Variants in ZRANB3 observed in about 807,000 individuals in gnomAD.
The protein encoded by ZRANB3 is DNA annealing helicase and endonuclease ZRANB3.
ZRANB3 carries 125 observed loss-of-function variants against 133.8 expected under a neutral mutation model. The observed-to-expected ratio is 0.93, with a 90% CI of 0.81 to 1.08. The LOEUF (loss-of-function observed/expected upper bound fraction) is 1.08. ZRANB3 is among the 50% of genes least tolerant of loss of function. The pLI, the probability that ZRANB3 is intolerant of heterozygous loss-of-function variation, is 0.00. For synonymous variants in ZRANB3, 387 were observed against 432.7 expected (o/e 0.89, Z 1.31); for missense variants, 1,229 against 1,275.5 (o/e 0.96, Z 0.56).
At chr2:135,404,524 T>C (rs1687910955) in intron 2 of ZRANB3, among the ~76,000 whole-genome samples, 2 of 152,144 alleles carry the variant, frequency 1.3e-5, no homozygotes, top group Admixed American at 1.3e-4. Context: ...TGGAAAACAC[T>C]CTGCAGGATA....
chr2:135,437,791 A>G (rs894238642), intron 2 of ZRANB3, among the ~76,000 whole-genome samples: 7 of 152,234 alleles, frequency 4.6e-5, no homozygotes, highest in South Asian at 2.1e-4. Flanking sequence ...GTGTGTCAAC[A>G]TGACTGGGCT....
intron 14 of ZRANB3, 141 bp downstream of exon 14, chr2:135,227,664 AGTATGTG>A (rs770745483): frequency 1.4e-5 from 11 of 761,042 alleles, no homozygotes; most frequent in Non-Finnish European, 2.3e-5. Context: ...CTGGTGTTTA[AGTATGTG>A]GTTACAAATG....
chr2:135,314,633 A>G (rs1683165299), intron 7 of ZRANB3, among the ~76,000 whole-genome samples: 1 of 152,160 alleles, frequency 6.6e-6, no homozygotes, highest in South Asian at 2.1e-4. Flanking sequence ...GAATTTCAAG[A>G]ATAGGGCTGC....
At chr2:135,433,636 G>A (rs1689409767) in intron 2 of ZRANB3, among the ~76,000 whole-genome samples, 1 of 152,134 alleles carries the variant, frequency 6.6e-6, no homozygotes, top group Non-Finnish European at 1.5e-5. Context: ...CAGATTACCT[G>A]AGGTCAGGAA....
chr2:135,475,992 C>T (rs1166704478), intron 2 of ZRANB3, among the ~76,000 whole-genome samples: 4 of 152,002 alleles, frequency 2.6e-5, no homozygotes, highest in Non-Finnish European at 5.9e-5. Context: ...GCAAGAGAAT[C>T]GTTTGAACCC....
intron 2 of ZRANB3, among the ~76,000 whole-genome samples, chr2:135,397,839 A>C (rs1282085462): frequency 6.6e-6 from 1 of 152,108 alleles, no homozygotes; most frequent in Non-Finnish European, 1.5e-5. Context: ...AGGAAAGCTG[A>C]AAGTTACCAT....
At chr2:135,475,804 G>A (rs1173522151) in intron 2 of ZRANB3, among the ~76,000 whole-genome samples, 1 of 152,164 alleles carries the variant, frequency 6.6e-6, no homozygotes, top group Non-Finnish European at 1.5e-5. Flanking sequence ...TTGGCTGGGT[G>A]CAGTGGCTCA....
At chr2:135,210,993 C>T (rs975623773) in intron 17 of ZRANB3, among the ~76,000 whole-genome samples, 1 of 151,862 alleles carries the variant, frequency 6.6e-6, no homozygotes, top group African/African-American at 2.4e-5. Context: ...TGCGCCACTG[C>T]ACTCCAGCCT....
intron 2 of ZRANB3, among the ~76,000 whole-genome samples, chr2:135,406,500 C>T (rs553180329): frequency 6.6e-6 from 1 of 152,274 alleles, no homozygotes; most frequent in Admixed American, 6.5e-5. Flanking sequence ...ATACCAAAGC[C>T]TAGCAGAGAC....
At chr2:135,274,324 T>C (rs1173791179) in intron 9 of ZRANB3, among the ~76,000 whole-genome samples, 1 of 152,060 alleles carries the variant, frequency 6.6e-6, no homozygotes, top group Non-Finnish European at 1.5e-5. Context: ...ACTTGGGCCA[T>C]ATGTTTCAAA....
At chr2:135,323,583 G>A (rs1007066417) in intron 6 of ZRANB3, among the ~76,000 whole-genome samples, 2 of 152,092 alleles carry the variant, frequency 1.3e-5, no homozygotes, top group African/African-American at 4.8e-5. Flanking sequence ...CATGAAAAGA[G>A]TAGAATGTAA....
chr2:135,287,341 G>A (rs1681428490), intron 8 of ZRANB3, among the ~76,000 whole-genome samples: 2 of 152,132 alleles, frequency 1.3e-5, no homozygotes, highest in African/African-American at 4.8e-5. Context: ...ACAGTTCAAA[G>A]TCATGTAATG....
In ZRANB3 at chr2:135,207,837, CTA is replaced by C; in HGVS notation, c.2607-3_2607-2del. 6.3e-7 allele frequency: 1 copy of C among 1,587,482 alleles called. No homozygotes were observed. The highest frequency in any genetic ancestry group is 8.6e-7 in the Non-Finnish European group (1 of 1,161,530). On this transcript the variant is annotated splice_acceptor_variant and splice_polypyrimidine_tract_variant and intron_variant, in intron 18 of 20. Transcript: ENST00000264159. LOFTEE classifies it high-confidence loss of function. Reference sequence around the variant, plus strand: ...ACAGGCTCCATCTTCAAGAAGTTTTCTACAATTGATAAAAACACTGAATAGGT... The same window carrying C: ...ACAGGCTCCATCTTCAAGAAGTTTTCCAATTGATAAAAACACTGAATAGGT...
At chr2:135,520,411 TTC>T (rs1491266770) in intron 1 of ZRANB3, among the ~76,000 whole-genome samples, 1 of 140,768 alleles carries the variant, frequency 7.1e-6, no homozygotes, top group East Asian at 2.0e-4. Context: ...AAAAAAGGAT[TTC>T]TTTTTTTTTT....
chr2:135,327,441 G>GA lies in ZRANB3; in HGVS notation c.678-11912dup, dbSNP rs973142043. Among the ~76,000 whole-genome samples, 8 of 151,918 alleles carry GA rather than the reference G, an allele frequency of 5.3e-5. No individual in the cohort carries two copies. The East Asian group carries it at 9.7e-4, about 18-fold the overall frequency. ...GCTATATAGAAAACCAAACAGATGG[G>GA]AAAAAAATGAATTATAAGGTAAACA... is the stretch of plus-strand genomic sequence containing the variant. On this transcript the variant is annotated intron_variant, in intron 6 of 20. Transcript: ENST00000264159.
At chr2:135,380,850 C>A (rs1354936948) in intron 3 of ZRANB3, among the ~76,000 whole-genome samples, 1 of 152,056 alleles carries the variant, frequency 6.6e-6, no homozygotes, top group African/African-American at 2.4e-5. Flanking sequence ...ACAAAACACC[C>A]TTCAAAAAAT....
At chr2:135,502,322 C>T (rs1478144599) in intron 2 of ZRANB3, among the ~76,000 whole-genome samples, 1 of 152,132 alleles carries the variant, frequency 6.6e-6, no homozygotes, top group Non-Finnish European at 1.5e-5. Flanking sequence ...GCTTTATGAA[C>T]AGCACACTTT....
At chr2:135,227,628 C>A (rs544029051) in intron 14 of ZRANB3, among the ~76,000 whole-genome samples, 184 bp downstream of exon 14, 2 of 152,312 alleles carry the variant, frequency 1.3e-5, no homozygotes, top group East Asian at 3.9e-4. Context: ...TGAATGCCAA[C>A]AGACACACTC....
intron 1 of ZRANB3, chr2:135,530,466 T>C (rs1694478966): frequency 6.6e-6 from 1 of 152,150 alleles, no homozygotes; most frequent in African/African-American, 2.4e-5. Flanking sequence ...CGTTCAACTT[T>C]TTATCTCCCA....
Sources: gnomAD v4.1 joint callset for allele counts (sites outside exome capture counted in the v4.1 genomes callset) on GRCh38, gnomAD v4.1.1 for gene constraint, MANE v1.5 for transcripts, NCBI Gene and HGNC (gene_info 2026-07-23, HGNC 2026-07-21) for gene names.